Variants in OTULINL observed in about 807,000 individuals in gnomAD.
OTULINL encodes the protein OTU deubiquitinase with linear linkage specificity like, also known as inactive ubiquitin thioesterase OTULINL.
OTULINL carries 42 observed loss-of-function variants against 43.9 expected under a neutral mutation model. The ratio of observed to expected loss-of-function variants is 0.96; its 90% CI spans 0.75 to 1.24. OTULINL has a LOEUF of 1.24. Ranked by LOEUF, OTULINL falls within the 50% of genes most tolerant of loss-of-function variation. The pLI is 0.00. For missense variants in OTULINL, 411 were observed against 426.4 expected, an observed-to-expected ratio of 0.96 and a Z score of 0.32; for synonymous variants, 172 against 153.6, an observed-to-expected ratio of 1.12 and a Z score of -0.88.
rs1759005796 is a variant in OTULINL at position 14,581,915 on chromosome 5, C to T, written c.21C>T (p.Pro7=). MAATRS[P]TRARERERSG... The stretch of plus-strand genomic sequence containing the variant: ...CCGGCATGGCGGCGACAAGGAGCCC[C>T]ACGCGGGCAAGGGAGCGGGAGCGGT... Residue 7 remains proline (P), a synonymous_variant, in exon 1 of 8, where the codon CCC becomes CCT. Transcript: ENST00000274217. 1 of 1,412,014 alleles carries T rather than the reference C, an allele frequency of 7.1e-7. No homozygotes were observed. Among genetic ancestry groups the T allele is most frequent in the East Asian group, 3.2e-5 (1 of 31,678 alleles). 87.5% of individuals were successfully genotyped at this position (1,412,014 alleles called of 1,614,324 possible).
At chr5:14,607,684 G>A (rs777809869) in intron 6 of OTULINL, among the ~76,000 whole-genome samples, 46 of 152,292 alleles carry the variant, frequency 3.0e-4, no homozygotes, top group African/African-American at 1.0e-3. Flanking sequence ...ATAGGGTCGG[G>A]GGCTTCTATG....
chr5:14,582,015 G>A, intron 1 of OTULINL, 57 bp downstream of exon 1: 2 of 1,170,974 alleles, frequency 1.7e-6, no homozygotes, highest in Non-Finnish European at 2.1e-6. Context: ...CCGTCAAGGC[G>A]GGCGGGGTCG....
At chr5:14,583,753 G>A (rs1470292171) in intron 1 of OTULINL, among the ~76,000 whole-genome samples, 1 of 152,148 alleles carries the variant, frequency 6.6e-6, no homozygotes, top group African/African-American at 2.4e-5. Flanking sequence ...TTTGCCAGTG[G>A]TGTTTGGCAA....
intron 1 of OTULINL, among the ~76,000 whole-genome samples, chr5:14,593,366 C>T (rs568445967): frequency 9.1e-4 from 139 of 152,194 alleles, no homozygotes; most frequent in Non-Finnish European, 1.7e-3. Flanking sequence ...TGTGCTATCA[C>T]CACTTTTTGG....
At chr5:14,601,529 C>G (rs1168422267) in intron 4 of OTULINL, 87 bp downstream of exon 4, 2 of 1,214,040 alleles carry the variant, frequency 1.6e-6, no homozygotes, top group African/African-American at 3.0e-5. Flanking sequence ...TTACTAAATC[C>G]AGATATCCAT....
chr5:14,607,603 C>T, intron 6 of OTULINL, 145 bp downstream of exon 6: 1 of 990,140 alleles, frequency 1.0e-6, no homozygotes, highest in East Asian at 2.6e-5. Context: ...CTGATGATTT[C>T]CCTCCTTATT....
Position 14,601,191 on chromosome 5 carries a change from A to G in OTULINL, c.225-22A>G, listed in dbSNP as rs528714266. The G allele has an allele frequency of 5.0e-6, 8 of 1,612,004 alleles. No individual in the cohort carries two copies. The East Asian group carries it at 1.8e-4, about 36-fold the overall frequency. On this transcript the variant is annotated intron_variant, in intron 2 of 7. Coordinates refer to ENST00000274217, the MANE Select transcript of OTULINL (RefSeq NM_019018.3). ...CTATTCAAAGCAGAATTCTGATATT[A>G]TTGTTCCCTTTTATCTTTCAGGTGG...
chr5:14,601,051 G>T lies in OTULINL; in HGVS notation c.151G>T (p.Ala51Ser). The T allele has an allele frequency of 6.2e-7, 1 of 1,613,148 alleles. No individual in the cohort carries two copies. The highest frequency in any genetic ancestry group is 8.5e-7 in the Non-Finnish European group (1 of 1,179,814). ...WRMAKGFVML[A>S]VSFLVAAICY... ...AATGGCAAAAGGCTTTGTGATGTTGGCAGTTTCATTTCTGGTGGCTGCCAT... is the reference window on the plus strand; with the variant it reads ...AATGGCAAAAGGCTTTGTGATGTTGTCAGTTTCATTTCTGGTGGCTGCCAT... The change falls in exon 2 of 8, where the codon GCA (alanine) becomes TCA (serine). Residue 51 changes from alanine to serine, a missense_variant. Physicochemically the swap from Ala to Ser is moderately conservative, Grantham distance 99. Coordinates refer to ENST00000274217, the MANE Select transcript of OTULINL (RefSeq NM_019018.3).
rs554381577 is a variant in OTULINL at position 14,593,984 on chromosome 5, T to A, written c.65-6981T>A. ...TTCTCTTTCTCAGTGATATTGATCTTGTAGTTGTTGGTTATTGTATTCTAC... is the reference window on the plus strand; with the variant it reads ...TTCTCTTTCTCAGTGATATTGATCTAGTAGTTGTTGGTTATTGTATTCTAC... On this transcript the variant is annotated intron_variant, in intron 1 of 7. Coordinates refer to ENST00000274217, the MANE Select transcript of OTULINL (RefSeq NM_019018.3). 2.6e-5 allele frequency among the ~76,000 whole-genome samples: 4 copies of A among 152,368 alleles called. No homozygotes were observed. In the East Asian group the frequency reaches 7.7e-4, roughly 29 times the overall value.
intron 7 of OTULINL, among the ~76,000 whole-genome samples, chr5:14,609,494 A>G (rs1047214248): frequency 6.6e-6 from 1 of 152,256 alleles, no homozygotes; most frequent in Non-Finnish European, 1.5e-5. Context: ...GACATTTTTA[A>G]ACAAATGGAT....
intron 1 of OTULINL, among the ~76,000 whole-genome samples, chr5:14,598,717 CAAAA>C (rs1345089706): frequency 6.6e-6 from 1 of 151,568 alleles, no homozygotes; most frequent in Non-Finnish European, 1.5e-5. Context: ...GACCCTGTCT[CAAAA>C]AAAGGCAATG....
intron 1 of OTULINL, among the ~76,000 whole-genome samples, chr5:14,590,749 C>G (rs1759187536): frequency 6.6e-6 from 1 of 152,178 alleles, no homozygotes; most frequent in Non-Finnish European, 1.5e-5. Flanking sequence ...TTCTTGGTTA[C>G]AGAAGAACCA....
chr5:14,608,332 G>A (rs1191438877), intron 6 of OTULINL, among the ~76,000 whole-genome samples: 1 of 152,166 alleles, frequency 6.6e-6, no homozygotes, highest in Admixed American at 6.5e-5. Flanking sequence ...CAGCACAGTG[G>A]GGTTTTTGGT....
rs562129146 is a variant in OTULINL at position 14,614,658 on chromosome 5, G to A, written c.*4344G>A. On this transcript the variant is annotated 3_prime_UTR_variant, in exon 8 of 8. Coordinates refer to ENST00000274217, the MANE Select transcript of OTULINL (RefSeq NM_019018.3). ...TCTGGAGTGCTCTGTAGAACAGCCC[G>A]AAGTGTACACCATGTCTCTGCACTT... The A allele has an allele frequency of 1.2e-4, 48 of 398,604 alleles. No individual in the cohort carries two copies. Among genetic ancestry groups the A allele is most frequent in the East Asian group, 2.8e-4 (8 of 28,074 alleles). The allele number at this position is 398,604 out of a possible 1,614,324, so 24.7% of individuals were successfully genotyped here. A position where few individuals can be genotyped will look rare whatever the true frequency, so the allele number is the denominator to read the frequency against.
intron 1 of OTULINL, among the ~76,000 whole-genome samples, chr5:14,582,418 G>A (rs114549493): frequency 1.2e-3 from 179 of 152,180 alleles, no homozygotes; most frequent in African/African-American, 4.0e-3. Context: ...TGCGTTTCGC[G>A]CCCTGCTGGC....
In OTULINL at chr5:14,613,764, C is replaced by T. The variant is rs562291808; in HGVS notation, c.*3450C>T. 3.9e-5 allele frequency among the ~76,000 whole-genome samples: 6 copies of T among 152,238 alleles called. No individual in the cohort carries two copies. The highest frequency in any genetic ancestry group is 9.6e-5 in the African/African-American group (4 of 41,546). On this transcript the variant is annotated 3_prime_UTR_variant, in exon 8 of 8. Coordinates refer to ENST00000274217, the MANE Select transcript of OTULINL (RefSeq NM_019018.3). ...GTCCCCAGGGCCCTCTCTAGGGGAC[C>T]GGAGACCTCCAGACTAAGCTGGTGG...
In OTULINL at chr5:14,613,384, T is replaced by A. The variant is rs1378003942; in HGVS notation, c.*3070T>A. 6.6e-6 allele frequency among the ~76,000 whole-genome samples: 1 copy of A among 152,188 alleles called. No homozygotes were observed. The highest frequency in any genetic ancestry group is 2.4e-5 in the African/African-American group (1 of 41,454). ...GTATCTGGATTCCTTTTCCTTTTCA[T>A]GCTATCTTTTCATCATACCTCTTCT... On this transcript the variant is annotated 3_prime_UTR_variant, in exon 8 of 8. Transcript: ENST00000274217.
intron 5 of OTULINL, 47 bp from the exon 6 acceptor site, chr5:14,607,283 T>A (rs775141080): frequency 2.3e-5 from 37 of 1,599,934 alleles, no homozygotes; most frequent in Non-Finnish European, 2.9e-5. Flanking sequence ...TTGTGTGTAA[T>A]AAACGTTCAT....
At chr5:14,583,355 G>A (rs535172473) in intron 1 of OTULINL, among the ~76,000 whole-genome samples, 1 of 152,164 alleles carries the variant, frequency 6.6e-6, no homozygotes, top group East Asian at 1.9e-4. Flanking sequence ...CTGCACCTTG[G>A]GTTATTATAA....
Sources: gnomAD v4.1 joint callset for allele counts (sites outside exome capture counted in the v4.1 genomes callset) on GRCh38, gnomAD v4.1.1 for gene constraint, MANE v1.5 for transcripts, NCBI Gene and HGNC (gene_info 2026-07-23, HGNC 2026-07-21) for gene names.